The following FBXO27 variants were observed in gnomAD, a reference collection of about 807,000 sequenced individuals.
FBXO27 encodes F-box protein 27.
Under a neutral mutation model 28.3 loss-of-function variants are expected in FBXO27, and 28 were observed. That is an observed-to-expected ratio of 0.99 (90% confidence interval 0.73 to 1.36). FBXO27 has a LOEUF of 1.36. Ranked by LOEUF, FBXO27 falls within the 40% of genes most tolerant of loss-of-function variation. FBXO27 has a pLI of 0.00. For missense variants in FBXO27, 388 were observed against 394.1 expected (o/e 0.98, Z 0.13); for synonymous variants, 175 against 167.3 (o/e 1.05, Z -0.36).
chr19:39,013,824 T>G (rs2144884321), intron 2 of FBXO27, among the ~76,000 whole-genome samples: 1 of 151,352 alleles, frequency 6.6e-6, no homozygotes, highest in Admixed American at 6.6e-5. Flanking sequence ...CCATCCTGGC[T>G]AATACGGTGA....
chr19:39,011,180 C>T (rs1174787068), intron 2 of FBXO27, among the ~76,000 whole-genome samples: 2 of 152,234 alleles, frequency 1.3e-5, no homozygotes, highest in Non-Finnish European at 2.9e-5. Context: ...CCAGTAATCC[C>T]AGCACTTTGG....
At chr19:39,027,232 C>G (rs902895034) in intron 4 of FBXO27, among the ~76,000 whole-genome samples, 1 of 152,096 alleles carries the variant, frequency 6.6e-6, no homozygotes, top group Non-Finnish European at 1.5e-5. Context: ...CAGGGGCCAG[C>G]CACACTCATA....
rs202084464 is a variant in FBXO27 at position 39,027,019 on chromosome 19, G to A, written c.573-14C>T. ...CGGGCTCCCCACCTGTGGGAGGAAG[G>A]AGCCATGAAGGCTGGACCTGCCACC... On this transcript the variant is annotated splice_polypyrimidine_tract_variant and intron_variant, in intron 4 of 5. Coordinates refer to ENST00000292853, the MANE Select transcript of FBXO27 (RefSeq NM_178820.5). 5.9e-5 allele frequency: 96 copies of A among 1,613,906 alleles called. No individual in the cohort carries two copies. Among genetic ancestry groups the A allele is most frequent in the Admixed American group, 1.0e-4 (6 of 59,982 alleles).
intron 4 of FBXO27, chr19:39,030,815 T>G (rs1275802899): frequency 1.7e-6 from 1 of 586,690 alleles, no homozygotes; most frequent in Admixed American, 3.0e-5. Context: ...GCCATGCTGG[T>G]TGGGCTGGTC....
chr19:39,031,778 C>G (rs1034721773), intron 2 of FBXO27, 86 bp downstream of exon 2: 84 of 1,387,260 alleles, frequency 6.1e-5, no homozygotes, highest in Admixed American at 5.6e-4. Context: ...CCCCTAGTAC[C>G]GGTCCCAGTG....
chr19:39,008,630 G>A (rs1000756402), intron 2 of FBXO27, among the ~76,000 whole-genome samples: 4 of 151,888 alleles, frequency 2.6e-5, no homozygotes, highest in African/African-American at 4.8e-5. Flanking sequence ...CAAACAATCC[G>A]TGTACCTGTG....
Position 39,012,960 on chromosome 19 carries a change from A to AAAACAAAC in FBXO27, c.252+1419_252+1426dup, listed in dbSNP as rs144507136. Among the ~76,000 whole-genome samples, 548 of 129,468 alleles carry AAAACAAAC rather than the reference A, an allele frequency of 4.2e-3. 1 individual carries two copies. The highest frequency in any genetic ancestry group is 7.8e-3 in the Non-Finnish European group (443 of 56,834). The allele number at this position is 129,468 out of a possible 152,430, so 84.9% of individuals were successfully genotyped here. On this transcript the variant is annotated intron_variant, in intron 2 of 2. Coordinates refer to the FBXO27 transcript ENST00000598394. ...GGGCAACAGAGTGAGACCCTGTCTCAAAACAAACAAACAAACAAACAAACG... is the reference window on the plus strand; with the variant it reads ...GGGCAACAGAGTGAGACCCTGTCTCAAAACAAACAAACAAACAAACAAACAAACAAACG...
chr19:39,005,844 G>A (rs11673044), intron 2 of FBXO27, among the ~76,000 whole-genome samples: 65,626 of 152,040 alleles, frequency 0.43, 14,831 homozygotes, highest in Middle Eastern at 0.58. Context: ...TCCAAAGGTT[G>A]ATGAAGAATG....
Position 39,032,131 on chromosome 19 carries a change from G to T in FBXO27, c.97C>A (p.Leu33Met). ...ACGTGGCTCAGCACCACCAGAAGCA[G>T]CTCTGGGGGTAGTTGGCTCAGGTCC... Reference protein sequence around the residue: ...ALDLSQLPPELLLVVLSHVPP... With the variant: ...ALDLSQLPPEMLLVVLSHVPP... The change falls in exon 2 of 6, where the codon CTG (leucine) becomes ATG (methionine). Residue 33 changes from leucine to methionine, a missense_variant. Physicochemically the swap from Leu to Met is conservative, Grantham distance 15 (BLOSUM62 2). Transcript: ENST00000292853. This position sits in a 1 kb window ranked among gnomAD's most constrained non-coding sequence, Gnocchi z 4.7. The T allele has an allele frequency of 6.5e-7, 1 of 1,542,202 alleles. No individual in the cohort carries two copies. The highest frequency in any genetic ancestry group is 8.7e-7 in the Non-Finnish European group (1 of 1,151,332).
chr19:39,016,642 G>A (rs2072821630), intron 1 of FBXO27, among the ~76,000 whole-genome samples: 1 of 150,738 alleles, frequency 6.6e-6, no homozygotes, highest in Non-Finnish European at 1.5e-5. Context: ...AATTAGCTGG[G>A]TGTGGTGGCA....
chr19:39,030,862 C>A, intron 4 of FBXO27, 167 bp downstream of exon 4: 1 of 671,582 alleles, frequency 1.5e-6, no homozygotes, highest in Non-Finnish European at 2.7e-6. Context: ...CCTGCCTCGA[C>A]CCCCCAAAGT....
Position 39,030,936 on chromosome 19 carries a change from G to T in FBXO27, c.572+93C>A, listed in dbSNP as rs368333510. 5.9e-6 allele frequency: 6 copies of T among 1,013,632 alleles called. No homozygotes were observed. In the African/African-American group the frequency reaches 9.4e-5, roughly 16 times the overall value. 62.8% of individuals were successfully genotyped at this position (1,013,632 alleles called of 1,614,324 possible). On this transcript the variant is annotated intron_variant, in intron 4 of 5. Transcript: ENST00000292853. ...ACTTCAGATTTTTTATCTGTAAGGA[G>T]GGGTTAGGAGGCCTAAATTAAGTCA...
chr19:39,010,126 T>G (rs146301694), intron 2 of FBXO27, among the ~76,000 whole-genome samples: 1 of 131,086 alleles, frequency 7.6e-6, no homozygotes, highest in East Asian at 2.2e-4. Flanking sequence ...TTTTAAATTT[T>G]GATGAGGTTA....
At chr19:39,027,043 C>T in intron 4 of FBXO27, 38 bp from the exon 5 acceptor site, 1 of 1,612,140 alleles carries the variant, frequency 6.2e-7, no homozygotes. Flanking sequence ...GGACCTGCCA[C>T]CCCATCTCTT....
intron 5 of FBXO27, among the ~76,000 whole-genome samples, chr19:39,026,269 A>G (rs2072872435): frequency 1.3e-5 from 2 of 152,110 alleles, no homozygotes; most frequent in South Asian, 4.1e-4. Context: ...GAGAGATCCC[A>G]TGGAGAAGCT....
intron 5 of FBXO27, among the ~76,000 whole-genome samples, chr19:39,026,483 AT>A (rs997524038): frequency 3.3e-5 from 5 of 149,660 alleles, no homozygotes; most frequent in Non-Finnish European, 7.4e-5. Flanking sequence ...ACTGTCATTG[AT>A]TTTTTTTTTA....
At chr19:39,028,655 G>C (rs2072886016) in intron 4 of FBXO27, among the ~76,000 whole-genome samples, 2 of 152,016 alleles carry the variant, frequency 1.3e-5, no homozygotes, top group Non-Finnish European at 2.9e-5. Flanking sequence ...CTGAGGTCAG[G>C]AGTTCGAGGC....
chr19:39,032,151 A>T lies in FBXO27; in HGVS notation c.77T>A (p.Leu26Gln). 6.5e-7 allele frequency: 1 copy of T among 1,539,970 alleles called. No homozygotes were observed. Among genetic ancestry groups the T allele is most frequent in the East Asian group, 2.7e-5 (1 of 37,556 alleles). Residue 26 changes from leucine (L) to glutamine (Q), a missense_variant, in exon 2 of 6, where the codon CTG becomes CAG. By Grantham distance (113) the Leu-to-Gln change is moderately radical. Transcript: ENST00000292853. This position sits in a 1 kb window ranked among gnomAD's most constrained non-coding sequence, Gnocchi z 4.7. ...PEPEPEEALD[L>Q]SQLPPELLLV... ...AAGCAGCTCTGGGGGTAGTTGGCTCAGGTCCAGCGCCTCTTCGGGTTCCGG... is the reference window on the plus strand; with the variant it reads ...AAGCAGCTCTGGGGGTAGTTGGCTCTGGTCCAGCGCCTCTTCGGGTTCCGG...
At chr19:39,027,068 C>T in intron 4 of FBXO27, 63 bp from the exon 5 acceptor site, 2 of 1,600,084 alleles carry the variant, frequency 1.2e-6, no homozygotes, top group South Asian at 2.2e-5. Flanking sequence ...TGTCTGCCTA[C>T]CTTGTCCGAA....
Sources: allele counts gnomAD v4.1 joint callset (sites outside exome capture counted in the v4.1 genomes callset), GRCh38; gene constraint gnomAD v4.1.1; non-coding constraint Gnocchi (gnomAD v3.1); transcripts MANE v1.5; gene names NCBI Gene and HGNC (gene_info 2026-07-23, HGNC 2026-07-21).